The following CACNA1B variants were observed in gnomAD, a reference collection of about 807,000 sequenced individuals.
The protein encoded by CACNA1B is voltage-dependent N-type calcium channel subunit alpha-1B.
CACNA1B carries 70 observed loss-of-function variants against 247.2 expected under a neutral mutation model. The observed-to-expected ratio is 0.28, with a 90% CI of 0.23 to 0.35. CACNA1B has a LOEUF of 0.35. CACNA1B is among the 10% of genes least tolerant of loss of function. The probability of loss-of-function intolerance (pLI) is 1.00; values close to 1 mark genes in which losing one functional copy is unlikely to be tolerated. For synonymous variants in CACNA1B, 1,231 were observed against 1,294.4 expected, an observed-to-expected ratio of 0.95 and a Z score of 1.05; for missense variants, 2,367 against 3,197.4, an observed-to-expected ratio of 0.74 and a Z score of 6.26.
chr9:138,061,692 G>T (rs1447141758), intron 31 of CACNA1B, among the ~76,000 whole-genome samples: 1 of 152,156 alleles, frequency 6.6e-6, no homozygotes, highest in Non-Finnish European at 1.5e-5. Context: ...TGTTAGTGCC[G>T]GCACGGTACT....
Position 138,120,182 on chromosome 9 carries a change from C to A in CACNA1B, c.6048C>A (p.Ser2016Arg), listed in dbSNP as rs550009360. 23 of 1,605,164 alleles carry A rather than the reference C, an allele frequency of 1.4e-5. No individual in the cohort carries two copies. In the Admixed American group the frequency reaches 2.2e-4, roughly 15 times the overall value. The change falls in exon 45 of 47, where the codon AGC becomes AGA. Residue 2016 changes from serine (S) to arginine (R), a missense_variant. This residue lies in a region of CACNA1B where 773 missense variants were observed against 779.4 expected (regional missense o/e 0.99). Transcript: ENST00000371372. The stretch of plus-strand genomic sequence containing the variant: ...GCCCACAGCCCGTCACAGATGCCAG[C>A]CCCATGAAGCGCTCCATCTCCACGC... ...AAETQPVTDA[S>R]PMKRSISTLA...
chr9:137,962,326 T>C (rs1191891160), intron 10 of CACNA1B, among the ~76,000 whole-genome samples: 7 of 151,528 alleles, frequency 4.6e-5, no homozygotes, highest in African/African-American at 7.3e-5. Flanking sequence ...TTTTTTTTTT[T>C]CAAAAAACTA....
In CACNA1B at chr9:137,955,591, C is replaced by A; in HGVS notation, c.1071-107C>A. Reference sequence around the variant, plus strand: ...GCCTGCCTGAAGCAGCAGCCTGCAGCCTGCGTCTCCTGTCCCAGGCTTTCC... The same window carrying A: ...GCCTGCCTGAAGCAGCAGCCTGCAGACTGCGTCTCCTGTCCCAGGCTTTCC... On this transcript the variant is annotated intron_variant, in intron 7 of 46. Coordinates refer to ENST00000371372, the MANE Select transcript of CACNA1B (RefSeq NM_000718.4). The surrounding 1 kb of genome is among the most constrained non-coding windows in gnomAD (Gnocchi z 6.9). 2.7e-6 allele frequency: 2 copies of A among 731,412 alleles called. No homozygotes were observed. The highest frequency in any genetic ancestry group is 4.6e-6 in the Non-Finnish European group (2 of 435,212). 45.3% of individuals were successfully genotyped at this position (731,412 alleles called of 1,614,324 possible). A position where few individuals can be genotyped will look rare whatever the true frequency, so the allele number is the denominator to read the frequency against.
chr9:137,948,570 A>G (rs980842550), intron 6 of CACNA1B, among the ~76,000 whole-genome samples: 1 of 151,258 alleles, frequency 6.6e-6, no homozygotes, highest in Non-Finnish European at 1.5e-5. Flanking sequence ...ACAAGTCTCA[A>G]TCAATTCAGA....
chr9:138,094,836 T>C (rs1393070463), intron 36 of CACNA1B, among the ~76,000 whole-genome samples: 5 of 152,220 alleles, frequency 3.3e-5, no homozygotes. Context: ...AAGAATTGTC[T>C]TTCTTTCCAT....
chr9:137,884,661 G>T (rs571815281), intron 3 of CACNA1B, among the ~76,000 whole-genome samples: 4 of 151,502 alleles, frequency 2.6e-5, no homozygotes, highest in Non-Finnish European at 5.9e-5. Flanking sequence ...GTAATGAATT[G>T]TTGGGGTGTA....
rs199634506 is a variant in CACNA1B at position 138,120,203 on chromosome 9, C to G, written c.6069C>G (p.Ser2023=). 1.2e-6 allele frequency: 2 copies of G among 1,608,280 alleles called. No homozygotes were observed. Among genetic ancestry groups the G allele is most frequent in the Non-Finnish European group, 8.5e-7 (1 of 1,178,168 alleles). The change falls in exon 45 of 47, where the codon TCC becomes TCG. Residue 2023 remains serine (S), a synonymous_variant. Transcript: ENST00000371372. ...CCAGCCCCATGAAGCGCTCCATCTCCACGCTGGCCCAGCGGCCCCGTGGGA... is the reference window on the plus strand; with the variant it reads ...CCAGCCCCATGAAGCGCTCCATCTCGACGCTGGCCCAGCGGCCCCGTGGGA... ...TDASPMKRSI[S]TLAQRPRGTH...
chr9:137,892,026 G>A (rs781446886), intron 3 of CACNA1B: 1 of 457,054 alleles, frequency 2.2e-6, no homozygotes. Flanking sequence ...CACTCAGTGT[G>A]CGGCCTCTGT....
In CACNA1B at chr9:138,052,241, T is replaced by TGTTTGTGC; in HGVS notation, c.3807+55_3807+56insTTGTGCGT. ...GATGTGCTGTGTGTGTGTGCGTGTG[T>TGTTTGTGC]GTGTGTGCGTGTGTGTGTGTGTATG... On this transcript the variant is annotated intron_variant, in intron 25 of 46. Transcript: ENST00000371372. The surrounding 1 kb of genome is among the most constrained non-coding windows in gnomAD (Gnocchi z 5.1). 5 of 843,592 alleles carry TGTTTGTGC rather than the reference T, an allele frequency of 5.9e-6. No homozygotes were observed. The East Asian group carries it at 1.4e-4, about 23-fold the overall frequency. The allele number at this position is 843,592 out of a possible 1,614,324, so 52.3% of individuals were successfully genotyped here. A position where few individuals can be genotyped will look rare whatever the true frequency, so the allele number is the denominator to read the frequency against.
chr9:138,024,989 G>A lies in CACNA1B; in HGVS notation c.3103G>A (p.Val1035Met), dbSNP rs1404615691. 3 of 1,592,092 alleles carry A rather than the reference G, an allele frequency of 1.9e-6. No homozygotes were observed. The highest frequency in any genetic ancestry group is 3.3e-4 in the Middle Eastern group (2 of 6,048). The change falls in exon 20 of 47, where the codon GTG becomes ATG. Residue 1035 changes from valine (V) to methionine (M), a missense_variant. Physicochemically the swap from Val to Met is conservative, Grantham distance 21 (BLOSUM62 1). Coordinates refer to ENST00000371372, the MANE Select transcript of CACNA1B (RefSeq NM_000718.4). ...CTGTGACCTGGAGACCAGTGGGACT[G>A]TGACTGTGGGTCCCATGCACACACT... ...PHCDLETSGT[V>M]TVGPMHTLPS...
chr9:138,023,844 A>G (rs1300786739), intron 19 of CACNA1B, 33 bp downstream of exon 19: 8 of 1,127,770 alleles, frequency 7.1e-6, no homozygotes, highest in Admixed American at 2.0e-5. Flanking sequence ...TCAGGGAGGG[A>G]AGGGTTGGCC....
At chr9:138,077,913 T>G (rs1243849271) in intron 35 of CACNA1B, among the ~76,000 whole-genome samples, 2 of 152,202 alleles carry the variant, frequency 1.3e-5, no homozygotes, top group Non-Finnish European at 2.9e-5. Flanking sequence ...TAGTAAGCAG[T>G]GGTTTCCCAA....
rs945211634 is a variant in CACNA1B at position 138,012,163 on chromosome 9, G to A, written c.2161-966G>A. ...CACTGCAAGTGGTCACCCAGGAGTG[G>A]GGGAGACAGGGAGAGGCTTCTGACA... On this transcript the variant is annotated intron_variant, in intron 17 of 46. Coordinates refer to ENST00000371372, the MANE Select transcript of CACNA1B (RefSeq NM_000718.4). The surrounding 1 kb of genome is among the most constrained non-coding windows in gnomAD (Gnocchi z 4.2). Among the ~76,000 whole-genome samples the A allele has an allele frequency of 6.6e-6, 1 of 152,208 alleles. No individual in the cohort carries two copies. Among genetic ancestry groups the A allele is most frequent in the African/African-American group, 2.4e-5 (1 of 41,462 alleles).
Position 137,950,824 on chromosome 9 carries a change from G to C in CACNA1B, c.967-1450G>C, listed in dbSNP as rs78224055. Reference sequence around the variant, plus strand: ...TGCTCTATTTTCTCCATCTTTCAGAGTCATTCTATATTTGCTTTATGAATA... The same window carrying C: ...TGCTCTATTTTCTCCATCTTTCAGACTCATTCTATATTTGCTTTATGAATA... On this transcript the variant is annotated intron_variant, in intron 6 of 46. Transcript: ENST00000371372. This position sits in a 1 kb window ranked among gnomAD's most constrained non-coding sequence, Gnocchi z 4.8. Among the ~76,000 whole-genome samples, 5,316 of 152,312 alleles carry C rather than the reference G, an allele frequency of 0.035. 103 individuals are homozygous for C. The highest frequency in any genetic ancestry group is 0.071 in the South Asian group (344 of 4,822).
In CACNA1B at chr9:138,059,867, A is replaced by G. The variant is rs1187351504; in HGVS notation, c.4668+130A>G. 1.4e-5 allele frequency: 9 copies of G among 652,536 alleles called. No individual in the cohort carries two copies. The highest frequency in any genetic ancestry group is 5.3e-5 in the Admixed American group (2 of 37,996). The allele number at this position is 652,536 out of a possible 1,614,324, so 40.4% of individuals were successfully genotyped here. A position where few individuals can be genotyped will look rare whatever the true frequency, so the allele number is the denominator to read the frequency against. On this transcript the variant is annotated intron_variant, in intron 31 of 46. Transcript: ENST00000371372. The surrounding 1 kb of genome is among the most constrained non-coding windows in gnomAD (Gnocchi z 4.2). Reference sequence around the variant, plus strand: ...TCCGCAGAACCCCCTGGACATGTGGAGGCTTCGCTCCAGGGGTGGAGTTTA... The same window carrying G: ...TCCGCAGAACCCCCTGGACATGTGGGGGCTTCGCTCCAGGGGTGGAGTTTA...
intron 3 of CACNA1B, among the ~76,000 whole-genome samples, chr9:137,900,509 C>G (rs11999099): frequency 2.3e-4 from 34 of 146,138 alleles, no homozygotes; most frequent in African/African-American, 6.7e-4. Flanking sequence ...GTGTCTGTGT[C>G]TGTGTGTCTC....
chr9:138,021,563 G>T (rs1958845630), intron 18 of CACNA1B, among the ~76,000 whole-genome samples: 1 of 152,260 alleles, frequency 6.6e-6, no homozygotes, highest in South Asian at 2.1e-4. Context: ...CCGCCGGCCT[G>T]GGCCTCTGCA....
Position 138,118,709 on chromosome 9 carries a change from C to G in CACNA1B, c.5971C>G (p.Pro1991Ala). 1.3e-6 allele frequency: 2 copies of G among 1,566,252 alleles called. No homozygotes were observed. ...GAGGGGCCCTGATGGGGAGCCCCAG[C>G]CTGGGCTGGAGAGCCAGGGTCGAGC... ...TRRGPDGEPQ[P>A]GLESQGRAAS... Residue 1991 changes from proline (P) to alanine (A), a missense_variant, in exon 44 of 47, where the codon CCT (proline) becomes GCT (alanine). Pro to Ala is a conservative substitution (Grantham distance 27). Around this residue, in one of 12 missense-constraint regions of CACNA1B, gnomAD observed 773 missense variants for 779.4 expected, o/e 0.99. Coordinates refer to ENST00000371372, the MANE Select transcript of CACNA1B (RefSeq NM_000718.4).
At chr9:138,108,063 GC>G (rs1589132397) in intron 39 of CACNA1B, among the ~76,000 whole-genome samples, 1 of 107,908 alleles carries the variant, frequency 9.3e-6, no homozygotes, top group South Asian at 3.7e-4. Flanking sequence ...CAGGCCAGGT[GC>G]CCTGGCTTAT....
Sources: allele counts gnomAD v4.1 joint callset (sites outside exome capture counted in the v4.1 genomes callset), GRCh38; gene constraint gnomAD v4.1.1; regional missense constraint gnomAD v4.1.1; non-coding constraint Gnocchi (gnomAD v3.1); transcripts MANE v1.5; gene names NCBI Gene and HGNC (gene_info 2026-07-23, HGNC 2026-07-21).